Variants in GNS observed in about 807,000 individuals in gnomAD.
GNS encodes the protein N-acetylglucosamine-6-sulfatase.
In GNS, 40 loss-of-function variants were observed where a neutral mutation model predicts 69.7. That is an observed-to-expected ratio of 0.57 (90% CI 0.45 to 0.75). The LOEUF (loss-of-function observed/expected upper bound fraction) is 0.75, where lower values mean the gene tolerates loss of function less well. Among genes scored for constraint, GNS ranks in the 30% least tolerant of loss-of-function variants. The pLI is 0.00. For missense variants in GNS, 565 were observed against 685.5 expected (o/e 0.82, Z 1.96); for synonymous variants, 243 against 251.6 (o/e 0.97, Z 0.32).
At chr12:64,729,108 T>G (rs1425044754) in intron 9 of GNS, 51 bp from the exon 10 acceptor site, 1 of 977,858 alleles carries the variant, frequency 1.0e-6, no homozygotes, top group South Asian at 1.3e-5. Flanking sequence ...CTCATTTTCC[T>G]TTTCTACCTA....
At chr12:64,733,891 C>T (rs1157593072) in intron 9 of GNS, among the ~76,000 whole-genome samples, 1 of 150,976 alleles carries the variant, frequency 6.6e-6, no homozygotes. Context: ...GAGAAAACGT[C>T]AATAGTCAAT....
At chr12:64,717,209 A>C (rs948133653) in intron 13 of GNS, among the ~76,000 whole-genome samples, 1 of 152,222 alleles carries the variant, frequency 6.6e-6, no homozygotes, top group Non-Finnish European at 1.5e-5. Context: ...TGGTGCTGCC[A>C]ATTCAGAAAT....
chr12:64,720,090 G>A lies in GNS; in HGVS notation c.1512C>T (p.Asn504=), dbSNP rs781191329. The change falls in exon 13 of 14, where the codon AAC becomes AAT. Residue 504 remains asparagine (N), a synonymous_variant. Transcript: ENST00000258145. ...TIDPELLGKM[N]YRLMMLQSCS... ...AGGACTGTAACATCATTAACCGATA[G>A]TTCATCTTTCCTAAAAGCTCTGGGT... The A allele has an allele frequency of 1.2e-5, 19 of 1,609,694 alleles. No homozygotes were observed. The highest frequency in any genetic ancestry group is 1.5e-5 in the Non-Finnish European group (18 of 1,176,036).
intron 9 of GNS, among the ~76,000 whole-genome samples, chr12:64,732,466 C>A (rs1339671398): frequency 2.8e-5 from 4 of 145,244 alleles, no homozygotes; most frequent in Non-Finnish European, 6.0e-5. Context: ...CCGCGCCCAG[C>A]CTCTTTTTTT....
chr12:64,723,984 G>A (rs1230138462), intron 10 of GNS, among the ~76,000 whole-genome samples: 1 of 152,154 alleles, frequency 6.6e-6, no homozygotes, highest in African/African-American at 2.4e-5. Context: ...AGAAAAGTCA[G>A]CTTAGTGGCA....
intron 10 of GNS, among the ~76,000 whole-genome samples, chr12:64,726,146 C>T (rs1231099196): frequency 3.3e-5 from 5 of 151,554 alleles, no homozygotes; most frequent in Admixed American, 6.6e-5. Context: ...TTCAGATAAT[C>T]TGAAAAGCTG....
At chr12:64,734,502 G>A (rs557330620) in intron 9 of GNS, among the ~76,000 whole-genome samples, 1 of 152,304 alleles carries the variant, frequency 6.6e-6, no homozygotes, top group Admixed American at 6.5e-5. Flanking sequence ...TGAAGAAGGC[G>A]CGAGATGGGC....
In GNS at chr12:64,757,238, A is replaced by G. The variant is rs566829278; in HGVS notation, c.192+1847T>C. 1.0e-3 allele frequency among the ~76,000 whole-genome samples: 158 copies of G among 152,288 alleles called. 1 individual carries two copies. The highest frequency in any genetic ancestry group is 3.6e-3 in the African/African-American group (151 of 41,570). ...GATTAACATACTAAAGAGACCTCAA[A>G]TACACACAGACTACAGCTGTGGTTT... is the stretch of plus-strand genomic sequence containing the variant. On this transcript the variant is annotated intron_variant, in intron 1 of 13. Transcript: ENST00000258145.
At position 64,716,007 on chromosome 12, in the gene GNS, T is replaced by C. The variant is rs886049768; in HGVS notation, c.*734A>G. 1 of 153,608 alleles carries C rather than the reference T, an allele frequency of 6.5e-6. No individual in the cohort carries two copies. Among genetic ancestry groups the C allele is most frequent in the South Asian group, 2.0e-4 (1 of 4,920 alleles). The allele number at this position is 153,608 out of a possible 1,614,324, so 9.5% of individuals were successfully genotyped here. ...CAGTGTTAACTGGCACTCCCTGTGG[T>C]TGGCAGCCACTGGAAAGTAGATGGC... On this transcript the variant is annotated 3_prime_UTR_variant, in exon 14 of 14. Coordinates refer to ENST00000258145, the MANE Select transcript of GNS (RefSeq NM_002076.4).
intron 10 of GNS, among the ~76,000 whole-genome samples, chr12:64,724,684 C>A (rs1481616671): frequency 6.6e-6 from 1 of 151,988 alleles, no homozygotes; most frequent in Non-Finnish European, 1.5e-5. Flanking sequence ...ATGGTGAAAC[C>A]CCGTCTCTAC....
Position 64,729,057 on chromosome 12 carries a change from T to C in GNS, c.1099A>G (p.Met367Val), listed in dbSNP as rs774631505. Residue 367 changes from methionine to valine, a missense_variant and splice_region_variant, in exon 10 of 14, where the codon ATG (methionine) becomes GTG (valine). Coordinates refer to ENST00000258145, the MANE Select transcript of GNS (RefSeq NM_002076.4). ...CCCAAGTCAATGTTGGCAACCAGCATCTATGAGAATGAGGGAAAAACAATC... is the reference window on the plus strand; with the variant it reads ...CCCAAGTCAATGTTGGCAACCAGCACCTATGAGAATGAGGGAAAAACAATC... ...PGIKPNQTSK[M>V]LVANIDLGPT... 6.0e-6 allele frequency: 9 copies of C among 1,503,450 alleles called. No homozygotes were observed. In the African/African-American group the frequency reaches 1.2e-4, roughly 21 times the overall value. The allele number at this position is 1,503,450 out of a possible 1,614,324, so 93.1% of individuals were successfully genotyped here.
chr12:64,752,928 C>T, intron 1 of GNS, 171 bp from the exon 2 acceptor site: 1 of 617,590 alleles, frequency 1.6e-6, no homozygotes, highest in Non-Finnish European at 2.9e-6. Flanking sequence ...TTGGTTCCGG[C>T]CAGCTCCATC....
At chr12:64,753,554 C>T (rs767472737) in intron 1 of GNS, among the ~76,000 whole-genome samples, 10 of 152,098 alleles carry the variant, frequency 6.6e-5, no homozygotes, top group African/African-American at 1.7e-4. Flanking sequence ...GGTCAGTTCA[C>T]GATGATTCTG....
intron 2 of GNS, among the ~76,000 whole-genome samples, chr12:64,749,950 A>C (rs1471045342): frequency 2.7e-5 from 4 of 146,422 alleles, no homozygotes; most frequent in Non-Finnish European, 5.9e-5. Flanking sequence ...ATCTCAGCTC[A>C]CTGCAACCTC....
chr12:64,745,661 A>C lies in GNS; in HGVS notation c.523T>G (p.Leu175Val). ...VPLGWSYWYA[L>V]EKNSKYYNYT... ...CACAGACTTCAATAATCACTCACCA[A>C]GGCATACCAGTAACTCCAACCCAGA... Residue 175 changes from leucine (L) to valine (V), a missense_variant and splice_region_variant, in exon 4 of 14, where the codon TTG becomes GTG. Transcript: ENST00000258145. 1 of 1,572,346 alleles carries C rather than the reference A, an allele frequency of 6.4e-7. No individual in the cohort carries two copies. The highest frequency in any genetic ancestry group is 8.8e-7 in the Non-Finnish European group (1 of 1,141,906).
At chr12:64,747,943 G>A (rs367553074) in intron 2 of GNS, 25 bp from the exon 3 acceptor site, 1 of 1,293,146 alleles carries the variant, frequency 7.7e-7, no homozygotes, top group Non-Finnish European at 1.1e-6. Context: ...AAGCAAAAAC[G>A]ACAAAGTCAC....
rs971733077 is a variant in GNS, at chr12:64,714,760, A to C, written c.*1981T>G. 5.3e-5 allele frequency: 8 copies of C among 152,316 alleles called. No homozygotes were observed. Among genetic ancestry groups the C allele is most frequent in the African/African-American group, 1.9e-4 (8 of 41,448 alleles). 9.4% of individuals were successfully genotyped at this position (152,316 alleles called of 1,614,324 possible). On this transcript the variant is annotated 3_prime_UTR_variant, in exon 14 of 14. Coordinates refer to ENST00000258145, the MANE Select transcript of GNS (RefSeq NM_002076.4). Reference sequence around the variant, plus strand: ...GTTGGTTTCTTTTTATTTGGAAATAACTATGGTCAACTTTCATTAATGTGG... The same window carrying C: ...GTTGGTTTCTTTTTATTTGGAAATACCTATGGTCAACTTTCATTAATGTGG...
chr12:64,738,946 A>C (rs562987045), intron 8 of GNS, among the ~76,000 whole-genome samples: 1 of 152,158 alleles, frequency 6.6e-6, no homozygotes, highest in Non-Finnish European at 1.5e-5. Context: ...ATTTGCTTTT[A>C]ACAACAGAAG....
At chr12:64,746,110 G>A (rs1156608076) in intron 3 of GNS, 1 of 282,136 alleles carries the variant, frequency 3.5e-6, no homozygotes, top group East Asian at 9.0e-5. Flanking sequence ...TGCAGTGTCT[G>A]TGGCTGCTTT....
Sources: gnomAD v4.1 joint callset for allele counts (sites outside exome capture counted in the v4.1 genomes callset) on GRCh38, gnomAD v4.1.1 for gene constraint, MANE v1.5 for transcripts, NCBI Gene and HGNC (gene_info 2026-07-23, HGNC 2026-07-21) for gene names.